The following RGS7 variants were observed in gnomAD, a reference collection of about 807,000 sequenced individuals.
RGS7 encodes regulator of G-protein signaling 7.
Under a neutral mutation model 81.1 loss-of-function variants are expected in RGS7, and 27 were observed. The ratio of observed to expected loss-of-function variants is 0.33; its 90% confidence interval spans 0.25 to 0.46. The LOEUF is 0.46. Ranked by LOEUF, RGS7 falls within the 20% of genes least tolerant of loss-of-function variation. The pLI is 1.00. For synonymous variants in RGS7, 208 were observed against 207.7 expected (o/e 1.00, Z -0.01); for missense variants, 396 against 607.4 (o/e 0.65, Z 3.66).
intron 9 of RGS7, 127 bp from the exon 10 acceptor site, chr1:240,827,299 T>C: frequency 1.3e-6 from 1 of 764,098 alleles, no homozygotes; most frequent in Non-Finnish European, 2.3e-6. Flanking sequence ...AGGGAGGTGT[T>C]TTCTAGATGG....
At chr1:241,136,719 T>C (rs921547946) in intron 2 of RGS7, among the ~76,000 whole-genome samples, 1 of 152,186 alleles carries the variant, frequency 6.6e-6, no homozygotes, top group African/African-American at 2.4e-5. Context: ...TCAGTTCTTT[T>C]GGACACTGCC....
intron 4 of RGS7, among the ~76,000 whole-genome samples, chr1:240,962,656 G>C (rs901438265): frequency 6.6e-6 from 1 of 152,104 alleles, no homozygotes; most frequent in African/African-American, 2.4e-5. Flanking sequence ...AAACATTAAA[G>C]GAAGATCCAA....
chr1:241,202,065 G>A (rs541895813), intron 2 of RGS7, among the ~76,000 whole-genome samples: 16 of 145,950 alleles, frequency 1.1e-4, no homozygotes, highest in African/African-American at 3.9e-4. Flanking sequence ...CCCTAATTGG[G>A]TTACTTCCAC....
intron 2 of RGS7, among the ~76,000 whole-genome samples, chr1:241,125,313 T>A (rs960507119): frequency 2.0e-5 from 3 of 152,168 alleles, no homozygotes; most frequent in Non-Finnish European, 4.4e-5. Context: ...TCATGTAATA[T>A]TTAAGGGGAT....
At chr1:241,128,269 T>G (rs1175468180) in intron 2 of RGS7, among the ~76,000 whole-genome samples, 2 of 134,374 alleles carry the variant, frequency 1.5e-5, no homozygotes, top group Admixed American at 1.5e-4. Flanking sequence ...AGAGCAAGAC[T>G]CCGTCTCAAA....
chr1:240,872,162 T>G (rs1425163137), intron 6 of RGS7, among the ~76,000 whole-genome samples: 1 of 152,206 alleles, frequency 6.6e-6, no homozygotes, highest in African/African-American at 2.4e-5. Flanking sequence ...GCATAAAATA[T>G]TGGTATCACA....
intron 4 of RGS7, among the ~76,000 whole-genome samples, chr1:240,949,129 G>A (rs1401585202): frequency 1.3e-5 from 2 of 152,094 alleles, no homozygotes. Context: ...ATTTTAGACT[G>A]TTGGTCAAGA....
chr1:241,237,997 G>A (rs548869611), intron 2 of RGS7, among the ~76,000 whole-genome samples: 5 of 152,286 alleles, frequency 3.3e-5, no homozygotes, highest in African/African-American at 4.8e-5. Context: ...CGCCAAGACC[G>A]TCGCTGGGAC....
At chr1:240,860,121 T>C (rs894339707) in intron 9 of RGS7, among the ~76,000 whole-genome samples, 9 of 152,162 alleles carry the variant, frequency 5.9e-5, no homozygotes, top group African/African-American at 2.2e-4. Context: ...CAGAGTGCAA[T>C]CTCTTCTAGT....
intron 2 of RGS7, among the ~76,000 whole-genome samples, chr1:241,135,762 T>C (rs1375222719): frequency 6.6e-6 from 1 of 152,112 alleles, no homozygotes; most frequent in African/African-American, 2.4e-5. Context: ...TTAAACTCTC[T>C]ACTACAATGT....
chr1:240,971,095 T>C (rs1385302393), intron 4 of RGS7, among the ~76,000 whole-genome samples: 1 of 152,130 alleles, frequency 6.6e-6, no homozygotes, highest in Non-Finnish European at 1.5e-5. Flanking sequence ...GGGAGGTGAT[T>C]AGGTAATGAG....
chr1:240,777,431 A>T (rs928653847), intron 18 of RGS7, among the ~76,000 whole-genome samples: 2 of 152,230 alleles, frequency 1.3e-5, no homozygotes, highest in African/African-American at 2.4e-5. Context: ...AGTAAAAATT[A>T]AAAAATTGGA....
At chr1:241,101,500 AC>A (rs1370898815) in intron 2 of RGS7, among the ~76,000 whole-genome samples, 4 of 152,128 alleles carry the variant, frequency 2.6e-5, no homozygotes, top group Admixed American at 2.0e-4. Context: ...CACCTCAAAA[AC>A]AAAAAATAAA....
intron 2 of RGS7, among the ~76,000 whole-genome samples, chr1:241,298,701 TC>T (rs1371229086): frequency 1.3e-5 from 2 of 152,114 alleles, no homozygotes; most frequent in Non-Finnish European, 2.9e-5. Context: ...CAATGAATCC[TC>T]CCCAAATAAG....
intron 2 of RGS7, among the ~76,000 whole-genome samples, chr1:241,204,960 T>C (rs536884256): frequency 9.9e-5 from 15 of 152,204 alleles, no homozygotes; most frequent in Admixed American, 9.2e-4. Context: ...ATATATTATA[T>C]AAACACAGTT....
chr1:240,886,158 T>C (rs1282006577), intron 6 of RGS7, among the ~76,000 whole-genome samples: 2 of 152,230 alleles, frequency 1.3e-5, no homozygotes, highest in African/African-American at 4.8e-5. Flanking sequence ...AATGTTCATG[T>C]AATACTTTCA....
intron 3 of RGS7, among the ~76,000 whole-genome samples, chr1:241,063,134 A>G (rs989371546): frequency 6.6e-6 from 1 of 152,236 alleles, no homozygotes; most frequent in African/African-American, 2.4e-5. Flanking sequence ...CAGGGTAGAC[A>G]GTTCTTCAAT....
At chr1:240,798,204 A>G (rs1687393887) in intron 18 of RGS7, among the ~76,000 whole-genome samples, 1 of 152,158 alleles carries the variant, frequency 6.6e-6, no homozygotes. Context: ...AGGAGTCTAT[A>G]TTTTTTGGAA....
Position 241,311,986 on chromosome 1 carries a change from A to G in RGS7, c.78+43713T>C, listed in dbSNP as rs898366374. Among the ~76,000 whole-genome samples the G allele has an allele frequency of 3.9e-5, 6 of 152,354 alleles. No individual in the cohort carries two copies. In the South Asian group the frequency reaches 6.2e-4, roughly 16 times the overall value. On this transcript the variant is annotated intron_variant, in intron 2 of 18. Transcript: ENST00000440928. ...GAACATTTGATGGTTTGAAAAATCAATGACTTCAGACATGAATTTCATCAC... is the reference window on the plus strand; with the variant it reads ...GAACATTTGATGGTTTGAAAAATCAGTGACTTCAGACATGAATTTCATCAC...
Sources: gnomAD v4.1 joint callset for allele counts (sites outside exome capture counted in the v4.1 genomes callset) on GRCh38, gnomAD v4.1.1 for gene constraint, MANE v1.5 for transcripts, NCBI Gene and HGNC (gene_info 2026-07-23, HGNC 2026-07-21) for gene names.